Variants in FGGY observed in about 807,000 individuals in gnomAD.
FGGY encodes the protein FGGY carbohydrate kinase domain-containing protein.
Under a neutral mutation model 71.3 loss-of-function variants are expected in FGGY, and 72 were observed. The ratio of observed to expected loss-of-function variants is 1.01; its 90% CI spans 0.84 to 1.23. The LOEUF is 1.23. Ranked by LOEUF, FGGY falls within the 50% of genes most tolerant of loss-of-function variation. FGGY has a pLI of 0.00. For missense variants in FGGY, 668 were observed against 682.3 expected, an observed-to-expected ratio of 0.98 and a Z score of 0.23; for synonymous variants, 251 against 250.3, an observed-to-expected ratio of 1.00 and a Z score of -0.02.
At chr1:59,397,501 G>C (rs1283024904) in intron 5 of FGGY, among the ~76,000 whole-genome samples, 4 of 152,212 alleles carry the variant, frequency 2.6e-5, no homozygotes, top group Non-Finnish European at 5.9e-5. Flanking sequence ...ATGGAGGAAA[G>C]AAAGCAGGTA....
intron 6 of FGGY, among the ~76,000 whole-genome samples, chr1:59,467,127 T>C (rs2092683244): frequency 6.6e-6 from 1 of 152,110 alleles, no homozygotes; most frequent in African/African-American, 2.4e-5. Context: ...ATAGACTGAA[T>C]TAAGAAAATG....
At chr1:59,359,420 T>C (rs188945616) in intron 4 of FGGY, among the ~76,000 whole-genome samples, 29 of 152,320 alleles carry the variant, frequency 1.9e-4, no homozygotes, top group African/African-American at 6.5e-4. Flanking sequence ...CCCACCACTA[T>C]GCAAACTCTG....
intron 4 of FGGY, among the ~76,000 whole-genome samples, chr1:59,352,283 A>G (rs1358160064): frequency 6.6e-6 from 1 of 152,234 alleles, no homozygotes; most frequent in African/African-American, 2.4e-5. Flanking sequence ...GGATCCTGAC[A>G]GCTCAATGTT....
upstream of FGGY, chr1:59,296,547 C>T (rs2041985250): frequency 6.6e-6 from 1 of 152,504 alleles, no homozygotes; most frequent in Non-Finnish European, 1.5e-5. Context: ...TTGCCCAGCC[C>T]TGCCCGCGGT....
intron 10 of FGGY, among the ~76,000 whole-genome samples, chr1:59,627,452 TTTTATATATATA>T (rs1365959113): frequency 3.8e-4 from 18 of 47,568 alleles, no homozygotes; most frequent in African/African-American, 1.4e-3. Context: ...CAACTTATGA[TTTTATATATATA>T]TATATATATA....
At chr1:59,328,373 G>T (rs1032100147) in intron 2 of FGGY, among the ~76,000 whole-genome samples, 6 of 152,118 alleles carry the variant, frequency 3.9e-5, no homozygotes, top group African/African-American at 1.4e-4. Context: ...CCAACTTCTG[G>T]TAGCTTCAAA....
intron 1 of FGGY, among the ~76,000 whole-genome samples, chr1:59,299,823 G>C (rs996955312): frequency 5.9e-5 from 9 of 152,090 alleles, no homozygotes; most frequent in African/African-American, 2.2e-4. Context: ...GTGACGATGT[G>C]AGTGGTTTGG....
intron 14 of FGGY, among the ~76,000 whole-genome samples, chr1:59,750,117 A>G (rs138133759): frequency 9.2e-4 from 140 of 152,246 alleles, no homozygotes; most frequent in African/African-American, 3.2e-3. Flanking sequence ...TGATTCACAC[A>G]TCTGATAAGT....
At chr1:59,449,891 G>A (rs540031396) in intron 5 of FGGY, among the ~76,000 whole-genome samples, 1 of 152,262 alleles carries the variant, frequency 6.6e-6, no homozygotes, top group South Asian at 2.1e-4. Flanking sequence ...GATTCCTTAA[G>A]CTCAGGAGTT....
chr1:59,595,298 C>T (rs1371882741), intron 8 of FGGY, among the ~76,000 whole-genome samples: 2 of 143,520 alleles, frequency 1.4e-5, no homozygotes, highest in Non-Finnish European at 3.0e-5. Context: ...TCCCCCACTG[C>T]ATTCATTTGT....
chr1:59,421,930 T>A (rs535254114), intron 5 of FGGY, among the ~76,000 whole-genome samples: 7 of 152,142 alleles, frequency 4.6e-5, no homozygotes, highest in African/African-American at 1.7e-4. Context: ...GTCTGGAGTT[T>A]TAAAGGAGAT....
At chr1:59,394,664 T>TTAAAATAGACAA (rs1322073889) in intron 5 of FGGY, among the ~76,000 whole-genome samples, 7 of 152,190 alleles carry the variant, frequency 4.6e-5, no homozygotes, top group Non-Finnish European at 8.8e-5. Context: ...TTGTCTACCA[T>TTAAAATAGACAA]TAAAATATTC....
At chr1:59,512,492 C>G in intron 7 of FGGY, 53 bp downstream of exon 7, 1 of 1,570,672 alleles carries the variant, frequency 6.4e-7, no homozygotes, top group East Asian at 2.3e-5. Context: ...TGGAATATTC[C>G]CTAGAACCGA....
At chr1:59,747,817 C>T (rs184969944) in intron 14 of FGGY, among the ~76,000 whole-genome samples, 3 of 152,270 alleles carry the variant, frequency 2.0e-5, no homozygotes, top group African/African-American at 4.8e-5. Flanking sequence ...GCTTTTAGGG[C>T]TTTACAGGGC....
intron 5 of FGGY, among the ~76,000 whole-genome samples, chr1:59,409,598 T>TTTTA (rs1491271353): frequency 4.7e-5 from 5 of 105,760 alleles, no homozygotes; most frequent in African/African-American, 6.1e-5. Flanking sequence ...GAAGAGTTTT[T>TTTTA]TATATATATA....
intron 10 of FGGY, among the ~76,000 whole-genome samples, chr1:59,628,549 T>G (rs189673877): frequency 6.6e-6 from 1 of 152,206 alleles, no homozygotes; most frequent in Non-Finnish European, 1.5e-5. Flanking sequence ...TTAATAGTAT[T>G]GTTATTTATG....
At chr1:59,739,854 T>A (rs2098133889) in intron 14 of FGGY, among the ~76,000 whole-genome samples, 1 of 152,220 alleles carries the variant, frequency 6.6e-6, no homozygotes, top group South Asian at 2.1e-4. Flanking sequence ...TACCACTCTA[T>A]ACTAATTGTT....
At chr1:59,406,918 T>C (rs2062847602) in intron 5 of FGGY, among the ~76,000 whole-genome samples, 1 of 152,210 alleles carries the variant, frequency 6.6e-6, no homozygotes, top group Non-Finnish European at 1.5e-5. Flanking sequence ...ACTTATCAAT[T>C]GTGTTGGCCT....
intron 9 of FGGY, among the ~76,000 whole-genome samples, chr1:59,612,398 G>A (rs2096695284): frequency 6.6e-6 from 1 of 152,156 alleles, no homozygotes; most frequent in Non-Finnish European, 1.5e-5. Context: ...GCCAAACTAA[G>A]CTTCATAAGT....
Sources: gnomAD v4.1 joint callset for allele counts (sites outside exome capture counted in the v4.1 genomes callset) on GRCh38, gnomAD v4.1.1 for gene constraint, MANE v1.5 for transcripts, NCBI Gene and HGNC (gene_info 2026-07-23, HGNC 2026-07-21) for gene names.